Variants in RALA observed in about 807,000 individuals in gnomAD.
RALA encodes ras-related protein Ral-A.
Under a neutral mutation model 24.0 loss-of-function variants are expected in RALA, and 5 were observed. That is an observed-to-expected ratio of 0.21 (90% CI 0.11 to 0.44). RALA has a LOEUF of 0.44. Among genes scored for constraint, RALA ranks in the 20% least tolerant of loss-of-function variants. The pLI is 0.99. For synonymous variants in RALA, 77 were observed against 83.8 expected, an observed-to-expected ratio of 0.92 and a Z score of 0.44; for missense variants, 95 against 241.2, an observed-to-expected ratio of 0.39 and a Z score of 4.01.
chr7:39,638,993 T>A (rs1791733728), intron 1 of RALA, among the ~76,000 whole-genome samples: 1 of 152,214 alleles, frequency 6.6e-6, no homozygotes, highest in Admixed American at 6.5e-5. Context: ...ACCAGCAGTG[T>A]TTGAGGGCTT....
At chr7:39,625,124 G>T (rs1040092639) in intron 1 of RALA, among the ~76,000 whole-genome samples, 1 of 152,170 alleles carries the variant, frequency 6.6e-6, no homozygotes, top group African/African-American at 2.4e-5. Flanking sequence ...TGCACTGAAT[G>T]AATGAGTGTA....
At chr7:39,626,098 C>G (rs1791480835) in intron 1 of RALA, among the ~76,000 whole-genome samples, 1 of 152,122 alleles carries the variant, frequency 6.6e-6, no homozygotes, top group South Asian at 2.1e-4. Flanking sequence ...TATTTTAACT[C>G]TTAGACACTA....
At chr7:39,670,500 C>T (rs537286209) in intron 1 of RALA, among the ~76,000 whole-genome samples, 2 of 152,252 alleles carry the variant, frequency 1.3e-5, no homozygotes, top group African/African-American at 2.4e-5. Flanking sequence ...TAAATAAAAA[C>T]ATCTATGTAT....
intron 1 of RALA, among the ~76,000 whole-genome samples, chr7:39,637,079 A>C (rs1791695619): frequency 6.6e-6 from 1 of 152,256 alleles, no homozygotes; most frequent in Non-Finnish European, 1.5e-5. Flanking sequence ...CACACTGTTA[A>C]AATTTGTGGT....
chr7:39,637,617 A>G (rs1791706172), intron 1 of RALA, among the ~76,000 whole-genome samples: 1 of 152,252 alleles, frequency 6.6e-6, no homozygotes, highest in Non-Finnish European at 1.5e-5. Context: ...AGATGACAGT[A>G]TTTATACACC....
intron 2 of RALA, 23 bp downstream of exon 2, chr7:39,686,804 A>G (rs1792711561): frequency 6.5e-7 from 1 of 1,550,380 alleles, no homozygotes; most frequent in Non-Finnish European, 8.9e-7. Context: ...TTTATAATGG[A>G]TCAAAGTTTA....
intron 1 of RALA, among the ~76,000 whole-genome samples, chr7:39,665,568 A>G (rs994957820): frequency 6.6e-5 from 10 of 151,718 alleles, no homozygotes; most frequent in Middle Eastern, 3.4e-3. Flanking sequence ...ACAGTAATGG[A>G]TTATTTGTGT....
At chr7:39,663,499 T>C (rs1271082278) in intron 1 of RALA, among the ~76,000 whole-genome samples, 1 of 151,922 alleles carries the variant, frequency 6.6e-6, no homozygotes, top group African/African-American at 2.4e-5. Context: ...CTGGAAGTGC[T>C]CCCAAGAAGC....
At chr7:39,625,954 A>G (rs1027990848) in intron 1 of RALA, among the ~76,000 whole-genome samples, 1 of 152,222 alleles carries the variant, frequency 6.6e-6, no homozygotes, top group African/African-American at 2.4e-5. Context: ...TGTAATATGC[A>G]TTTGTATTCT....
chr7:39,680,232 G>A (rs1252673845), intron 1 of RALA, among the ~76,000 whole-genome samples: 3 of 151,826 alleles, frequency 2.0e-5, no homozygotes, highest in Non-Finnish European at 4.4e-5. Context: ...AGCCAGGTGT[G>A]GTGGCATGCA....
chr7:39,697,592 C>T (rs958315192), intron 4 of RALA: 3 of 329,274 alleles, frequency 9.1e-6, no homozygotes, highest in Non-Finnish European at 1.8e-5. Flanking sequence ...GCCTCTCAAG[C>T]TCCAATAGGC....
intron 1 of RALA, among the ~76,000 whole-genome samples, chr7:39,681,798 G>T (rs1792608255): frequency 6.6e-6 from 1 of 151,988 alleles, no homozygotes; most frequent in African/African-American, 2.4e-5. Flanking sequence ...CCTCATCCCT[G>T]AACTCTAGAC....
intron 2 of RALA, among the ~76,000 whole-genome samples, chr7:39,687,926 T>C (rs977876596): frequency 6.6e-5 from 10 of 152,202 alleles, no homozygotes; most frequent in African/African-American, 2.4e-4. Context: ...CCCATGTCTT[T>C]ATCTCTTTTT....
At chr7:39,668,629 C>T (rs1232027283) in intron 1 of RALA, among the ~76,000 whole-genome samples, 1 of 151,810 alleles carries the variant, frequency 6.6e-6, no homozygotes, top group African/African-American at 2.4e-5. Flanking sequence ...GAAACCCCAT[C>T]TCTACTAAAA....
At position 39,662,668 on chromosome 7, in the gene RALA, C is replaced by G. The variant is rs561090790; in HGVS notation, c.-37-23963C>G. 1.1e-4 allele frequency among the ~76,000 whole-genome samples: 16 copies of G among 152,284 alleles called. No individual in the cohort carries two copies. In the East Asian group the frequency reaches 2.9e-3, roughly 28 times the overall value. The stretch of plus-strand genomic sequence containing the variant: ...AGCCTGGATTTCATTGTCTATATAT[C>G]ATTATCAGCATTTGAGTCCAAGCCA... On this transcript the variant is annotated intron_variant, in intron 1 of 4. Transcript: ENST00000005257.
intron 4 of RALA, among the ~76,000 whole-genome samples, chr7:39,697,256 C>T (rs981069730): frequency 2.0e-5 from 3 of 152,144 alleles, no homozygotes; most frequent in Non-Finnish European, 1.5e-5. Flanking sequence ...AATAAGGGTA[C>T]CTCCCAAGAT....
chr7:39,689,228 A>G (rs752424495), intron 2 of RALA, among the ~76,000 whole-genome samples: 4 of 152,150 alleles, frequency 2.6e-5, no homozygotes, highest in Non-Finnish European at 4.4e-5. Flanking sequence ...CCTGGGCTCA[A>G]GTGATCCACT....
intron 1 of RALA, among the ~76,000 whole-genome samples, chr7:39,627,401 T>C (rs1361109573): frequency 6.6e-6 from 1 of 152,188 alleles, no homozygotes; most frequent in Non-Finnish European, 1.5e-5. Flanking sequence ...TTAAAGGCCT[T>C]CACAGCTAGG....
At chr7:39,629,343 C>T (rs755894418) in intron 1 of RALA, among the ~76,000 whole-genome samples, 2 of 152,196 alleles carry the variant, frequency 1.3e-5, no homozygotes, top group Non-Finnish European at 1.5e-5. Context: ...GTGAATTGAA[C>T]ATGTTTTCAT....
Sources: gnomAD v4.1 joint callset for allele counts (sites outside exome capture counted in the v4.1 genomes callset) on GRCh38, gnomAD v4.1.1 for gene constraint, MANE v1.5 for transcripts, NCBI Gene and HGNC (gene_info 2026-07-23, HGNC 2026-07-21) for gene names.